The following ANK1 variants were observed in gnomAD, a reference collection of about 807,000 sequenced individuals.
ANK1 encodes the protein ankyrin 1.
ANK1 carries 51 observed loss-of-function variants against 210.4 expected under a neutral mutation model. That is an observed-to-expected ratio of 0.24 (90% confidence interval 0.19 to 0.31). ANK1 has a LOEUF of 0.31. Among genes scored for constraint, ANK1 ranks in the 10% least tolerant of loss-of-function variants. ANK1 has a pLI of 1.00. For synonymous variants in ANK1, 967 were observed against 1,025.9 expected, an observed-to-expected ratio of 0.94 and a Z score of 1.10; for missense variants, 2,051 against 2,504.4, an observed-to-expected ratio of 0.82 and a Z score of 3.86.
At chr8:41,762,197 C>T (rs1024210755) in intron 1 of ANK1, among the ~76,000 whole-genome samples, 1 of 152,174 alleles carries the variant, frequency 6.6e-6, no homozygotes, top group Non-Finnish European at 1.5e-5. Flanking sequence ...TACCTCCTAG[C>T]CTGCACCTTC....
intron 39 of ANK1, chr8:41,665,168 G>C: frequency 6.5e-7 from 1 of 1,534,450 alleles, no homozygotes; most frequent in East Asian, 2.4e-5. Context: ...TGCTCTCTTG[G>C]TCTCTCACTG....
At chr8:41,828,168 A>T (rs1398550804) in intron 1 of ANK1, 2 of 152,228 alleles carry the variant, frequency 1.3e-5, no homozygotes, top group African/African-American at 4.8e-5. Flanking sequence ...TCGGTCCTCC[A>T]GTGCTGAATG....
intron 37 of ANK1, among the ~76,000 whole-genome samples, chr8:41,682,926 G>A (rs909065328): frequency 2.6e-5 from 4 of 152,174 alleles, no homozygotes; most frequent in African/African-American, 7.2e-5. Context: ...CTGAGCTCCT[G>A]TAAAGCTCTG....
intron 39 of ANK1, among the ~76,000 whole-genome samples, chr8:41,668,009 A>C (rs1811098001): frequency 6.6e-6 from 1 of 152,224 alleles, no homozygotes; most frequent in Non-Finnish European, 1.5e-5. Flanking sequence ...CCACTTCTGA[A>C]ACTGTGATCT....
At chr8:41,750,808 C>T (rs1837529595) in intron 2 of ANK1, among the ~76,000 whole-genome samples, 1 of 152,212 alleles carries the variant, frequency 6.6e-6, no homozygotes, top group Non-Finnish European at 1.5e-5. Flanking sequence ...GGGAAGTCTT[C>T]ACTTTGAACT....
intron 1 of ANK1, among the ~76,000 whole-genome samples, chr8:41,869,766 C>G (rs1287746121): frequency 6.6e-6 from 1 of 152,138 alleles, no homozygotes; most frequent in Non-Finnish European, 1.5e-5. Flanking sequence ...TCAGCTGACA[C>G]CAGACTGCAA....
intron 1 of ANK1, among the ~76,000 whole-genome samples, chr8:41,888,825 G>A (rs982446827): frequency 7.2e-5 from 11 of 152,138 alleles, no homozygotes; most frequent in African/African-American, 2.4e-4. Flanking sequence ...CTCAGGGCCC[G>A]GCGACGGAGT....
intron 8 of ANK1, 25 bp from the exon 9 acceptor site, chr8:41,723,248 G>A (rs1160740731): frequency 1.2e-6 from 2 of 1,612,850 alleles, no homozygotes; most frequent in East Asian, 2.2e-5. Context: ...GTCAAAAACA[G>A]AAAGCCCAAA....
chr8:41,727,171 C>T, intron 5 of ANK1, 79 bp downstream of exon 5: 1 of 1,110,196 alleles, frequency 9.0e-7, no homozygotes, highest in South Asian at 1.3e-5. Flanking sequence ...CAAGCCACAT[C>T]CCAGGTAGGT....
intron 1 of ANK1, among the ~76,000 whole-genome samples, chr8:41,890,503 G>A (rs1174399551): frequency 6.6e-6 from 1 of 152,222 alleles, no homozygotes; most frequent in African/African-American, 2.4e-5. Context: ...GAGGTCAGGA[G>A]TTCGAGACCA....
intron 1 of ANK1, among the ~76,000 whole-genome samples, chr8:41,836,924 GA>G (rs869199711): frequency 0.087 from 10,419 of 120,006 alleles, 765 homozygotes; most frequent in African/African-American, 0.22. Flanking sequence ...TATCTCTGGG[GA>G]AAAAAAAAAA....
At position 41,678,143 on chromosome 8, in the gene ANK1, T is replaced by C. The variant is rs1000103477; in HGVS notation, c.4538-5231A>G. ...AGTTTCTGTCCATATTTCTTTTTTTTTCTTTTTCTTTTTTTTTGCGTTGAG... is the reference window on the plus strand; with the variant it reads ...AGTTTCTGTCCATATTTCTTTTTTTCTCTTTTTCTTTTTTTTTGCGTTGAG... On this transcript the variant is annotated intron_variant, in intron 37 of 42. Transcript: ENST00000289734. 2.0e-5 allele frequency among the ~76,000 whole-genome samples: 3 copies of C among 152,112 alleles called. No individual in the cohort carries two copies. In the East Asian group the frequency reaches 5.8e-4, roughly 29 times the overall value.
chr8:41,774,516 G>A lies in ANK1; in HGVS notation c.28-16379C>T, dbSNP rs140364193. On this transcript the variant is annotated intron_variant, in intron 1 of 42. Transcript: ENST00000289734. ...TGCTTCCCATCCCAGGGCCAGGGCCGTGCTGCAGAAAAAAGCCTCCACACC... is the reference window on the plus strand; with the variant it reads ...TGCTTCCCATCCCAGGGCCAGGGCCATGCTGCAGAAAAAAGCCTCCACACC... Among the ~76,000 whole-genome samples, 1,203 of 152,298 alleles carry A rather than the reference G, an allele frequency of 7.9e-3. 8 individuals are homozygous for A. The highest frequency in any genetic ancestry group is 0.011 in the Non-Finnish European group (729 of 68,018).
chr8:41,718,457 T>A (rs1296972427), intron 10 of ANK1, among the ~76,000 whole-genome samples: 4 of 152,214 alleles, frequency 2.6e-5, no homozygotes, highest in African/African-American at 7.2e-5. Flanking sequence ...AAACCTTTTT[T>A]AAAAATTTAT....
At chr8:41,795,225 A>G (rs1482708596) in intron 1 of ANK1, among the ~76,000 whole-genome samples, 3 of 152,164 alleles carry the variant, frequency 2.0e-5, no homozygotes, top group African/African-American at 7.2e-5. Context: ...TTTAAAAACT[A>G]TTATAGGCCA....
At chr8:41,757,415 GTTAGTTC>G (rs1322930351) in intron 2 of ANK1, among the ~76,000 whole-genome samples, 1 of 152,152 alleles carries the variant, frequency 6.6e-6, no homozygotes, top group Non-Finnish European at 1.5e-5. Flanking sequence ...TCTCTATTTA[GTTAGTTC>G]CTGGATCTTT....
chr8:41,888,423 A>G (rs1373530524), intron 1 of ANK1, among the ~76,000 whole-genome samples: 4 of 152,236 alleles, frequency 2.6e-5, no homozygotes, highest in Admixed American at 2.0e-4. Context: ...CGACAGAACC[A>G]TGGGGATGCA....
At chr8:41,665,162 C>T (rs938790409) in intron 39 of ANK1, 4 of 1,534,954 alleles carry the variant, frequency 2.6e-6, no homozygotes, top group African/African-American at 1.4e-5. Flanking sequence ...CTGGTTTGCT[C>T]TCTTGGTCTC....
chr8:41,872,598 G>A (rs1815750729), intron 1 of ANK1, among the ~76,000 whole-genome samples: 1 of 152,236 alleles, frequency 6.6e-6, no homozygotes, highest in Non-Finnish European at 1.5e-5. Context: ...GCCGTGGGGA[G>A]CGCGTCCAGC....
Sources: gnomAD v4.1 joint callset for allele counts (sites outside exome capture counted in the v4.1 genomes callset) on GRCh38, gnomAD v4.1.1 for gene constraint, MANE v1.5 for transcripts, NCBI Gene and HGNC (gene_info 2026-07-23, HGNC 2026-07-21) for gene names.